The following KLK13 variants were observed in gnomAD, a reference collection of about 807,000 sequenced individuals.
KLK13 encodes the protein kallikrein-13.
A neutral mutation model predicts 22.4 loss-of-function variants in KLK13; 19 were observed. The ratio of observed to expected loss-of-function variants is 0.85; its 90% CI spans 0.59 to 1.24. KLK13 has a LOEUF of 1.24. Ranked by LOEUF, KLK13 falls within the 50% of genes most tolerant of loss-of-function variation. The pLI is 0.00. For missense variants in KLK13, 311 were observed against 347.9 expected, an observed-to-expected ratio of 0.89 and a Z score of 0.84; for synonymous variants, 156 against 141.8, an observed-to-expected ratio of 1.10 and a Z score of -0.71.
At position 51,056,338 on chromosome 19, in the gene KLK13, C is replaced by T. The variant is rs2091675093; in HGVS notation, c.*249G>A. On this transcript the variant is annotated 3_prime_UTR_variant, in exon 5 of 5. Coordinates refer to ENST00000595793, the MANE Select transcript of KLK13 (RefSeq NM_015596.3). ...AAGCCACACTGATGAAGTTGAGAGA[C>T]CTGGGCCATTGTCTGGGTTGGGACA... is the stretch of plus-strand genomic sequence containing the variant. 4.2e-6 allele frequency: 2 copies of T among 478,332 alleles called. No homozygotes were observed. The highest frequency in any genetic ancestry group is 5.4e-5 in the South Asian group (2 of 36,768). 29.6% of individuals were successfully genotyped at this position (478,332 alleles called of 1,614,324 possible). A position where few individuals can be genotyped will look rare whatever the true frequency, so the allele number is the denominator to read the frequency against.
At chr19:51,064,891 C>A in intron 1 of KLK13, 125 bp downstream of exon 1, 1 of 792,944 alleles carries the variant, frequency 1.3e-6, no homozygotes. Context: ...GCTGTCCCCA[C>A]TGGACCCGGC....
At chr19:51,061,758 G>A (rs1568590536) in intron 1 of KLK13, among the ~76,000 whole-genome samples, 1 of 152,178 alleles carries the variant, frequency 6.6e-6, no homozygotes, top group Non-Finnish European at 1.5e-5. Context: ...GTCAGATGTT[G>A]TTCCCAGGCT....
chr19:51,062,325 C>T (rs1446117789), intron 1 of KLK13, among the ~76,000 whole-genome samples: 1 of 152,184 alleles, frequency 6.6e-6, no homozygotes, highest in Non-Finnish European at 1.5e-5. Context: ...CCCTGACCAC[C>T]TGGTCTAATG....
At chr19:51,057,878 A>C (rs1370685885) in intron 4 of KLK13, among the ~76,000 whole-genome samples, 1 of 152,102 alleles carries the variant, frequency 6.6e-6, no homozygotes, top group Non-Finnish European at 1.5e-5. Flanking sequence ...CCTCTCCAGC[A>C]CCCACAGTTA....
At position 51,056,814 on chromosome 19, in the gene KLK13, T is replaced by C. The variant is rs373834659; in HGVS notation, c.646-39A>G. The C allele has an allele frequency of 2.6e-6, 4 of 1,539,458 alleles. No individual in the cohort carries two copies. The East Asian group carries it at 9.0e-5, about 35-fold the overall frequency. The stretch of plus-strand genomic sequence containing the variant: ...AGAAAGAGAGAGAGAGGTGGGTCCT[T>C]GCTGGGGCTAAACAAGGCAGGGACA... On this transcript the variant is annotated intron_variant, in intron 4 of 4. Coordinates refer to ENST00000595793, the MANE Select transcript of KLK13 (RefSeq NM_015596.3).
Position 51,056,235 on chromosome 19 carries a change from T to A in KLK13, c.*352A>T. ...AAGGATGGTCCATTTATAGGACATATATTGTTGAGATGGGCTGATGGAAAT... is the reference window on the plus strand; with the variant it reads ...AAGGATGGTCCATTTATAGGACATAAATTGTTGAGATGGGCTGATGGAAAT... On this transcript the variant is annotated 3_prime_UTR_variant, in exon 5 of 5. Coordinates refer to ENST00000595793, the MANE Select transcript of KLK13 (RefSeq NM_015596.3). 7.9e-6 allele frequency: 2 copies of A among 253,078 alleles called. No homozygotes were observed. The highest frequency in any genetic ancestry group is 5.1e-5 in the Admixed American group (1 of 19,742). The allele number at this position is 253,078 out of a possible 1,614,324, so 15.7% of individuals were successfully genotyped here.
intron 1 of KLK13, among the ~76,000 whole-genome samples, chr19:51,062,952 A>G (rs2091743896): frequency 6.6e-6 from 1 of 152,052 alleles, no homozygotes; most frequent in Non-Finnish European, 1.5e-5. Flanking sequence ...CGGTGAGCAC[A>G]GGATCATTTT....
chr19:51,060,751 G>C lies in KLK13; in HGVS notation c.53-132C>G, dbSNP rs765635201. On this transcript the variant is annotated intron_variant, in intron 1 of 4. Transcript: ENST00000595793. ...ACCAGGAACTGAAGATGAATTTGCC[G>C]ACCTATGGCAGTTGCTATTCTTGAC... 3.2e-5 allele frequency: 21 copies of C among 659,986 alleles called. 1 individual carries two copies. The Middle Eastern group carries it at 1.4e-3, about 43-fold the overall frequency. 40.9% of individuals were successfully genotyped at this position (659,986 alleles called of 1,614,324 possible). A position where few individuals can be genotyped will look rare whatever the true frequency, so the allele number is the denominator to read the frequency against.
At chr19:51,061,452 T>C (rs915539062) in intron 1 of KLK13, among the ~76,000 whole-genome samples, 1 of 152,266 alleles carries the variant, frequency 6.6e-6, no homozygotes, top group African/African-American at 2.4e-5. Context: ...AAGCTTTGTA[T>C]TCCCAACTTG....
chr19:51,058,345 C>A (rs2091694456), intron 4 of KLK13, among the ~76,000 whole-genome samples, 193 bp downstream of exon 4: 1 of 152,226 alleles, frequency 6.6e-6, no homozygotes, highest in African/African-American at 2.4e-5. Context: ...TCAGTCAAAG[C>A]TGGGGCTTAT....
At position 51,064,928 on chromosome 19, in the gene KLK13, C is replaced by T. The variant is rs147973916; in HGVS notation, c.52+88G>A. 7,579 of 1,123,912 alleles carry T rather than the reference C, an allele frequency of 6.7e-3. 296 individuals carry two copies. In the African/African-American group the frequency reaches 0.091, roughly 14 times the overall value. 69.6% of individuals were successfully genotyped at this position (1,123,912 alleles called of 1,614,324 possible). A position where few individuals can be genotyped will look rare whatever the true frequency, so the allele number is the denominator to read the frequency against. On this transcript the variant is annotated intron_variant, in intron 1 of 4. Coordinates refer to ENST00000595793, the MANE Select transcript of KLK13 (RefSeq NM_015596.3). ...CCGAGTGGGCGGGGGGCGGAGCTCG[C>T]GGCTCCCACGCCCCCTCCCCCTCCG...
intron 4 of KLK13, among the ~76,000 whole-genome samples, chr19:51,057,608 C>T (rs2091687655): frequency 6.6e-6 from 1 of 152,058 alleles, no homozygotes; most frequent in Non-Finnish European, 1.5e-5. Flanking sequence ...ACTAGGACTG[C>T]AGTTGTACTC....
intron 1 of KLK13, among the ~76,000 whole-genome samples, chr19:51,061,961 C>T (rs1448615900): frequency 6.6e-6 from 1 of 152,210 alleles, no homozygotes; most frequent in East Asian, 1.9e-4. Flanking sequence ...ATCTTGGATG[C>T]CCCCATACTA....
At chr19:51,061,960 G>T (rs959497071) in intron 1 of KLK13, among the ~76,000 whole-genome samples, 1 of 151,984 alleles carries the variant, frequency 6.6e-6, no homozygotes, top group Admixed American at 6.6e-5. Context: ...CATCTTGGAT[G>T]CCCCCATACT....
chr19:51,059,811 G>A lies in KLK13; in HGVS notation c.508+14C>T. ...ACTCCTATGGGGCCTCAGGCCACCT[G>A]TGTGGGTGCATACCCTGGGGGCTGG... is the stretch of plus-strand genomic sequence containing the variant. On this transcript the variant is annotated intron_variant, in intron 3 of 4. Transcript: ENST00000595793. 1.3e-6 allele frequency: 2 copies of A among 1,585,504 alleles called. No individual in the cohort carries two copies. The highest frequency in any genetic ancestry group is 2.3e-5 in the East Asian group (1 of 43,454).
intron 3 of KLK13, 37 bp from the exon 4 acceptor site, chr19:51,058,711 C>T: frequency 2.5e-6 from 4 of 1,611,060 alleles, no homozygotes; most frequent in Non-Finnish European, 3.4e-6. Context: ...GGTATCCGAC[C>T]TGGATAGGAT....
chr19:51,059,642 A>G, intron 3 of KLK13, 183 bp downstream of exon 3: 1 of 330,044 alleles, frequency 3.0e-6, no homozygotes, highest in Non-Finnish European at 5.2e-6. Context: ...ATATACTCAT[A>G]TTTTTATATA....
chr19:51,061,156 T>C (rs1472613295), intron 1 of KLK13, among the ~76,000 whole-genome samples: 2 of 151,324 alleles, frequency 1.3e-5, no homozygotes, highest in Non-Finnish European at 2.9e-5. Flanking sequence ...CACTCATCTG[T>C]CCCTCCATCC....
intron 2 of KLK13, 85 bp from the exon 3 acceptor site, chr19:51,060,178 A>G (rs1006558799): frequency 8.6e-6 from 13 of 1,515,022 alleles, no homozygotes; most frequent in Middle Eastern, 1.8e-4. Context: ...CCCATCCCCA[A>G]CCTAACTTCT....
Sources: gnomAD v4.1 joint callset for allele counts (sites outside exome capture counted in the v4.1 genomes callset) on GRCh38, gnomAD v4.1.1 for gene constraint, MANE v1.5 for transcripts, NCBI Gene and HGNC (gene_info 2026-07-23, HGNC 2026-07-21) for gene names.